The following SFXN5 variants were observed in gnomAD, a reference collection of about 807,000 sequenced individuals.
SFXN5 encodes sideroflexin-5.
Under a neutral mutation model 50.2 loss-of-function variants are expected in SFXN5, and 43 were observed. The observed-to-expected ratio is 0.86, with a 90% CI of 0.67 to 1.11. The LOEUF (loss-of-function observed/expected upper bound fraction) is 1.11. Ranked by LOEUF, SFXN5 falls within the 50% of genes least tolerant of loss-of-function variation. The pLI is 0.00. For synonymous variants in SFXN5, 203 were observed against 185.8 expected (o/e 1.09, Z -0.75); for missense variants, 463 against 454.1 (o/e 1.02, Z -0.18).
intron 13 of SFXN5, among the ~76,000 whole-genome samples, chr2:72,949,106 A>G (rs542032540): frequency 6.6e-6 from 1 of 152,302 alleles, no homozygotes; most frequent in Admixed American, 6.5e-5. Context: ...CAGAAAGGGC[A>G]GGCCAAGCTT....
chr2:72,970,812 T>G (rs1200627371), intron 11 of SFXN5, among the ~76,000 whole-genome samples: 1 of 152,000 alleles, frequency 6.6e-6, no homozygotes. Context: ...CTATGCCTCC[T>G]GAGTAGCTGG....
Position 73,071,688 on chromosome 2 carries a change from A to G in SFXN5, c.18T>C (p.Thr6=). 6.2e-7 allele frequency: 1 copy of G among 1,613,150 alleles called. No homozygotes were observed. The change falls in exon 1 of 14, where the codon ACT becomes ACC. Residue 6 remains threonine, a synonymous_variant. Coordinates refer to ENST00000272433, the MANE Select transcript of SFXN5 (RefSeq NM_144579.3). ...CACTAGCCGCCGCCGCCGATGCTGT[A>G]GTCGCTGTATCCGCCATGGCCACTG... The part of the protein sequence containing the change: MADTA[T]TASAAAASAA...
At chr2:73,010,251 T>C (rs993479804) in intron 6 of SFXN5, among the ~76,000 whole-genome samples, 2 of 152,264 alleles carry the variant, frequency 1.3e-5, no homozygotes, top group African/African-American at 4.8e-5. Flanking sequence ...GAATGAAATA[T>C]ATGCAGAACA....
chr2:72,987,173 C>T (rs753055548), intron 10 of SFXN5, among the ~76,000 whole-genome samples: 97 of 152,092 alleles, frequency 6.4e-4, no homozygotes, highest in African/African-American at 1.1e-3. Context: ...GGCTGGAGTG[C>T]GTGATCTTGG....
intron 6 of SFXN5, among the ~76,000 whole-genome samples, chr2:73,012,842 A>G (rs1675701433): frequency 6.6e-6 from 1 of 152,120 alleles, no homozygotes; most frequent in South Asian, 2.1e-4. Flanking sequence ...GTGAAATTAC[A>G]TGCTACAGGT....
intron 2 of SFXN5, among the ~76,000 whole-genome samples, chr2:73,052,186 C>A (rs1034057668): frequency 4.6e-5 from 7 of 152,176 alleles, no homozygotes; most frequent in Non-Finnish European, 8.8e-5. Context: ...CTGGAATCCA[C>A]CATTTATCCA....
chr2:72,991,836 G>T (rs986173026), intron 9 of SFXN5, among the ~76,000 whole-genome samples: 2 of 152,178 alleles, frequency 1.3e-5, no homozygotes, highest in Non-Finnish European at 2.9e-5. Flanking sequence ...AGCAGCTAGC[G>T]ATCAGAAAAA....
At chr2:73,036,206 C>G (rs550831725) in intron 3 of SFXN5, among the ~76,000 whole-genome samples, 35 of 152,328 alleles carry the variant, frequency 2.3e-4, no homozygotes, top group Non-Finnish European at 4.1e-4. Flanking sequence ...GATTGCCAAG[C>G]CCCCCAAGCC....
chr2:73,036,159 G>C (rs2105904838), intron 3 of SFXN5, among the ~76,000 whole-genome samples: 1 of 152,312 alleles, frequency 6.6e-6, no homozygotes, highest in African/African-American at 2.4e-5. Context: ...AGATGAGCAG[G>C]GCCAGCCTGG....
chr2:72,998,707 C>T (rs1170467935), intron 9 of SFXN5: 1 of 542,298 alleles, frequency 1.8e-6, no homozygotes, highest in African/African-American at 1.9e-5. Context: ...TGTCCTGCCT[C>T]AGTGCCCCCA....
At chr2:72,959,681 C>G (rs1045623564) in intron 13 of SFXN5, among the ~76,000 whole-genome samples, 1 of 152,162 alleles carries the variant, frequency 6.6e-6, no homozygotes, top group African/African-American at 2.4e-5. Context: ...CGTGCCAAGG[C>G]TGATCCCCTC....
chr2:72,988,393 G>A, intron 9 of SFXN5, 45 bp from the exon 10 acceptor site: 1 of 1,552,058 alleles, frequency 6.4e-7, no homozygotes, highest in Non-Finnish European at 8.8e-7. Flanking sequence ...ACATGATGCT[G>A]CAGTGGCTTG....
At chr2:73,036,215 C>A (rs888596995) in intron 3 of SFXN5, among the ~76,000 whole-genome samples, 1 of 152,228 alleles carries the variant, frequency 6.6e-6, no homozygotes, top group Admixed American at 6.5e-5. Context: ...GCCCCCCAAG[C>A]CCTGAGCTGC....
In SFXN5 at chr2:72,944,971, C is replaced by T. The variant is rs746522518; in HGVS notation, c.*51G>A. The T allele has an allele frequency of 7.7e-6, 12 of 1,563,142 alleles. No homozygotes were observed. Among genetic ancestry groups the T allele is most frequent in the South Asian group, 3.4e-5 (3 of 88,226 alleles). The stretch of plus-strand genomic sequence containing the variant: ...TGCAGCCGTGAGTCTACGGCCCTGC[C>T]CCTCAGCTCCCCGGCTGCACAGTGC... On this transcript the variant is annotated 3_prime_UTR_variant, in exon 14 of 14. Coordinates refer to ENST00000272433, the MANE Select transcript of SFXN5 (RefSeq NM_144579.3).
At chr2:72,984,884 A>G (rs976024844) in intron 10 of SFXN5, among the ~76,000 whole-genome samples, 1 of 151,852 alleles carries the variant, frequency 6.6e-6, no homozygotes, top group Admixed American at 6.6e-5. Context: ...TGTGTAGCCC[A>G]CCTCCCAGGC....
At chr2:73,047,275 T>TATATATATATATAC (rs1300799277) in intron 2 of SFXN5, among the ~76,000 whole-genome samples, 1 of 51,746 alleles carries the variant, frequency 1.9e-5, no homozygotes, top group African/African-American at 8.1e-5. Flanking sequence ...TATATATATA[T>TATATATATATATAC]ACACACATAT....
intron 6 of SFXN5, among the ~76,000 whole-genome samples, chr2:73,006,676 T>C (rs1674717545): frequency 6.6e-6 from 1 of 152,158 alleles, no homozygotes; most frequent in South Asian, 2.1e-4. Flanking sequence ...TTGTGGATGT[T>C]TTCTACACAA....
intron 13 of SFXN5, among the ~76,000 whole-genome samples, chr2:72,957,932 T>C (rs1320936987): frequency 2.0e-5 from 3 of 152,170 alleles, no homozygotes; most frequent in African/African-American, 7.2e-5. Context: ...TTCTTCCCAA[T>C]CTAGAGAAAG....
intron 1 of SFXN5, among the ~76,000 whole-genome samples, chr2:73,062,862 A>T (rs887314064): frequency 1.3e-5 from 2 of 152,212 alleles, no homozygotes; most frequent in Non-Finnish European, 2.9e-5. Flanking sequence ...TTTACCTAGC[A>T]GAGGAGGGTA....
Sources: gnomAD v4.1 joint callset for allele counts (sites outside exome capture counted in the v4.1 genomes callset) on GRCh38, gnomAD v4.1.1 for gene constraint, MANE v1.5 for transcripts, NCBI Gene and HGNC (gene_info 2026-07-23, HGNC 2026-07-21) for gene names.